The following BRCA2 variants were observed in gnomAD, a reference collection of about 807,000 sequenced individuals.
BRCA2 encodes BRCA2 DNA repair associated, also known as breast cancer type 2 susceptibility protein.
In BRCA2, 203 loss-of-function variants were observed where a neutral mutation model predicts 276.7. The observed-to-expected ratio is 0.73, with a 90% CI of 0.65 to 0.82. BRCA2 has a LOEUF of 0.82. BRCA2 is among the 40% of genes least tolerant of loss of function. The pLI is 0.00. For synonymous variants in BRCA2, 1,289 were observed against 1,338.4 expected, an observed-to-expected ratio of 0.96 and a Z score of 0.81; for missense variants, 3,920 against 3,915.0, an observed-to-expected ratio of 1.00 and a Z score of -0.03.
intron 18 of BRCA2, among the ~76,000 whole-genome samples, chr13:32,368,714 A>G (rs1397891299): frequency 2.0e-5 from 3 of 152,002 alleles, no homozygotes; most frequent in African/African-American, 7.2e-5. Context: ...AGCTGAGCAG[A>G]GTAAGGAAAT....
chr13:32,338,875 A>G lies in BRCA2; in HGVS notation c.4520A>G (p.Gln1507Arg), dbSNP rs1473942366. ...VGTGNQLVTF[Q>R]GQPERDEKIK... ...ACTGGAAATCAACTAGTGACCTTCCAGGGACAACCCGAACGTGATGAAAAG... is the reference window on the plus strand; with the variant it reads ...ACTGGAAATCAACTAGTGACCTTCCGGGGACAACCCGAACGTGATGAAAAG... The change falls in exon 11 of 27, where the codon CAG becomes CGG. Residue 1507 changes from glutamine to arginine, a missense_variant. This residue lies in a region of BRCA2 where 3,263 missense variants were observed against 3,156.9 expected (regional missense o/e 1.03). Transcript: ENST00000380152. The G allele has an allele frequency of 6.2e-7, 1 of 1,614,008 alleles. No individual in the cohort carries two copies. Among genetic ancestry groups the G allele is most frequent in the Admixed American group, 1.7e-5 (1 of 60,020 alleles).
At chr13:32,353,120 A>G (rs1415278780) in intron 13 of BRCA2, among the ~76,000 whole-genome samples, 2 of 152,196 alleles carry the variant, frequency 1.3e-5, no homozygotes, top group African/African-American at 4.8e-5. Flanking sequence ...TCTCTCCTGC[A>G]TGGATTTTTT....
At chr13:32,344,768 C>T in intron 12 of BRCA2, 115 bp downstream of exon 12, 3 of 744,002 alleles carry the variant, frequency 4.0e-6, no homozygotes, top group Non-Finnish European at 6.9e-6. Flanking sequence ...ACATGAGCCA[C>T]TGTGCCTAAT....
At chr13:32,354,349 G>A (rs1441294213) in intron 13 of BRCA2, among the ~76,000 whole-genome samples, 1 of 152,174 alleles carries the variant, frequency 6.6e-6, no homozygotes, top group Non-Finnish European at 1.5e-5. Context: ...TTAGCTTGAG[G>A]CAGAGATAAA....
intron 16 of BRCA2, among the ~76,000 whole-genome samples, chr13:32,359,885 AC>A (rs553455080): frequency 2.3e-3 from 353 of 152,342 alleles, no homozygotes; most frequent in African/African-American, 8.2e-3. Context: ...TATTCTGGGT[AC>A]TAGGGATAAT....
At chr13:32,359,502 T>A (rs1011578260) in intron 16 of BRCA2, among the ~76,000 whole-genome samples, 6 of 152,298 alleles carry the variant, frequency 3.9e-5, no homozygotes, top group African/African-American at 1.4e-4. Flanking sequence ...TTATCAGAGA[T>A]ATATTACATT....
At chr13:32,378,733 A>T (rs1368534433) in intron 21 of BRCA2, among the ~76,000 whole-genome samples, 1 of 152,242 alleles carries the variant, frequency 6.6e-6, no homozygotes, top group African/African-American at 2.4e-5. Context: ...CCCAAGAGGT[A>T]CAAGTAGAAA....
At chr13:32,343,658 C>CA (rs2072589368) in intron 11 of BRCA2, among the ~76,000 whole-genome samples, 1 of 151,954 alleles carries the variant, frequency 6.6e-6, no homozygotes. Flanking sequence ...TTATTTATAG[C>CA]AACCCATTCT....
intron 3 of BRCA2, among the ~76,000 whole-genome samples, chr13:32,321,864 T>C (rs1471188585): frequency 1.3e-5 from 2 of 152,258 alleles, no homozygotes; most frequent in African/African-American, 4.8e-5. Flanking sequence ...CTTCAGCTTA[T>C]TAATGAGATC....
At chr13:32,386,520 T>G (rs1463092540) in intron 24 of BRCA2, among the ~76,000 whole-genome samples, 1 of 152,206 alleles carries the variant, frequency 6.6e-6, no homozygotes, top group Admixed American at 6.5e-5. Flanking sequence ...TGATAAAATA[T>G]TAGTTGCATT....
Position 32,338,633 on chromosome 13 carries a change from A to AT in BRCA2, c.4284dup (p.Gln1429SerfsTer9), listed in dbSNP as rs80359439. ...TAAAAGATTTTGAGACTTCTGATAC[A>AT]TTTTTTCAGACTGCAAGTGGGAAAA... On this transcript the variant is annotated frameshift_variant, in exon 11 of 27. Transcript: ENST00000380152. LOFTEE classifies it high-confidence loss of function. 17 of 1,598,752 alleles carry AT rather than the reference A, an allele frequency of 1.1e-5. No individual in the cohort carries two copies. The highest frequency in any genetic ancestry group is 2.3e-5 in the South Asian group (2 of 88,534).
rs1555283261 is a variant in BRCA2 at position 32,337,836 on chromosome 13, G to A, written c.3481G>A (p.Asp1161Asn). 2 of 1,614,096 alleles carry A rather than the reference G, an allele frequency of 1.2e-6. No homozygotes were observed. Among genetic ancestry groups the A allele is most frequent in the Non-Finnish European group, 1.7e-6 (2 of 1,179,970 alleles). Residue 1161 changes from aspartate (D) to asparagine (N), a missense_variant, in exon 11 of 27, where the codon GAT (aspartate) becomes AAT (asparagine). Physicochemically the swap from Asp to Asn is conservative, Grantham distance 23. Coordinates refer to ENST00000380152, the MANE Select transcript of BRCA2 (RefSeq NM_000059.4). ...AAAGACCACTTCTGAGGAATGCAGA[G>A]ATGCTGATCTTCATGTCATAATGAA... Reference protein sequence around the residue: ...ILKTTSEECRDADLHVIMNAP... With the variant: ...ILKTTSEECRNADLHVIMNAP...
rs80359335 is a variant in BRCA2 at position 32,336,936 on chromosome 13, CA to C, written c.2588del (p.Asn863IlefsTer11). On this transcript the variant is annotated frameshift_variant, in exon 11 of 27. Transcript: ENST00000380152. LOFTEE classifies it high-confidence loss of function. Reference sequence around the variant, plus strand: ...CCAAAACACAAATCTAAGAGTAATCCAAAAAAATCAAGAAGAAACTACTTCA... The same window carrying C: ...CCAAAACACAAATCTAAGAGTAATCCAAAAAATCAAGAAGAAACTACTTCA... ...FNQNTNLRVI[Q>X]KNQEETTSIS... The C allele has an allele frequency of 1.3e-6, 2 of 1,590,838 alleles. No individual in the cohort carries two copies. The highest frequency in any genetic ancestry group is 1.9e-5 in the Admixed American group (1 of 53,010).
At chr13:32,385,315 A>G (rs1280011703) in intron 24 of BRCA2, 1 of 213,280 alleles carries the variant, frequency 4.7e-6, no homozygotes, top group Non-Finnish European at 1.0e-5. Context: ...TGATAGATAT[A>G]GTAAGGTTCT....
At chr13:32,316,750 T>C (rs959643468) in intron 2 of BRCA2, among the ~76,000 whole-genome samples, 2 of 152,190 alleles carry the variant, frequency 1.3e-5, no homozygotes, top group Non-Finnish European at 2.9e-5. Flanking sequence ...TGACTAGCAG[T>C]AGGAACAATT....
intron 10 of BRCA2, among the ~76,000 whole-genome samples, chr13:32,335,737 A>T (rs958995480): frequency 2.6e-5 from 4 of 152,132 alleles, no homozygotes; most frequent in Non-Finnish European, 5.9e-5. Context: ...AACTATTATT[A>T]AAAAAACAAC....
chr13:32,327,215 A>G (rs1201612077), intron 7 of BRCA2, among the ~76,000 whole-genome samples: 9 of 152,226 alleles, frequency 5.9e-5, no homozygotes. Flanking sequence ...TGGGAGGCTG[A>G]GAAGGGTGGA....
rs757918023 is a variant in BRCA2 at position 32,336,999 on chromosome 13, C to A, written c.2644C>A (p.Leu882Ile). Residue 882 changes from leucine (L) to isoleucine (I), a missense_variant, in exon 11 of 27, where the codon CTT becomes ATT. By Grantham distance (5) the Leu-to-Ile change is conservative. This residue lies in a region of BRCA2 where 3,263 missense variants were observed against 3,156.9 expected (regional missense o/e 1.03). Transcript: ENST00000380152. ...KITVNPDSEE[L>I]FSDNENNFVF... Reference sequence around the variant, plus strand: ...AACTGTCAATCCAGACTCTGAAGAACTTTTCTCAGACAATGAGAATAATTT... The same window carrying A: ...AACTGTCAATCCAGACTCTGAAGAAATTTTCTCAGACAATGAGAATAATTT... 1.3e-6 allele frequency: 2 copies of A among 1,587,442 alleles called. No individual in the cohort carries two copies. Among genetic ancestry groups the A allele is most frequent in the Non-Finnish European group, 1.7e-6 (2 of 1,171,690 alleles).
intron 2 of BRCA2, among the ~76,000 whole-genome samples, chr13:32,316,960 G>A (rs2072267022): frequency 6.6e-6 from 1 of 152,236 alleles, no homozygotes; most frequent in Non-Finnish European, 1.5e-5. Flanking sequence ...CACTTTGGGA[G>A]GCCGAGGTGG....
Sources: allele counts gnomAD v4.1 joint callset (sites outside exome capture counted in the v4.1 genomes callset), GRCh38; gene constraint gnomAD v4.1.1; regional missense constraint gnomAD v4.1.1; transcripts MANE v1.5; gene names NCBI Gene and HGNC (gene_info 2026-07-23, HGNC 2026-07-21).